Variants in RGS8 observed in about 807,000 individuals in gnomAD.
RGS8 encodes the protein regulator of G protein signaling 8.
A neutral mutation model predicts 21.7 loss-of-function variants in RGS8; 8 were observed. The observed-to-expected ratio is 0.37, with a 90% CI of 0.22 to 0.66. The LOEUF is 0.66. RGS8 is among the 30% of genes least tolerant of loss of function. RGS8 has a pLI of 0.59. For missense variants in RGS8, 157 were observed against 217.9 expected, an observed-to-expected ratio of 0.72 and a Z score of 1.76; for synonymous variants, 80 against 83.6, an observed-to-expected ratio of 0.96 and a Z score of 0.24.
the RGS8 span, chr1:182,712,768 G>C: frequency 1.3e-5 from 2 of 152,124 alleles, no homozygotes; most frequent in African/African-American, 4.8e-5. Context: ...TATTTCAAGA[G>C]TATTTTTGTC....
the RGS8 span, among the ~76,000 whole-genome samples, chr1:182,709,342 A>G: frequency 2.4e-4 from 36 of 152,260 alleles, no homozygotes; most frequent in African/African-American, 8.4e-4. Flanking sequence ...GCACACACAC[A>G]TGTATTCTCT....
At chr1:182,656,768 C>A (rs1663300212) in intron 5 of RGS8, among the ~76,000 whole-genome samples, 1 of 152,146 alleles carries the variant, frequency 6.6e-6, no homozygotes, top group East Asian at 1.9e-4. Flanking sequence ...TGGGCCCTTC[C>A]TGGGAGGGTC....
chr1:182,724,876 A>G, the RGS8 span, among the ~76,000 whole-genome samples: 1 of 152,188 alleles, frequency 6.6e-6, no homozygotes, highest in Non-Finnish European at 1.5e-5. Context: ...ACTTAATTTA[A>G]CAATTTTGAG....
rs540671287 is a variant in RGS8 at position 182,657,152 on chromosome 1, C to T, written c.193+8817G>A. ...AAGCAAACAAATCCAAACACAACTG[C>T]GTAAAATCCTAGCCTACTGCGTGGA... On this transcript the variant is annotated intron_variant, in intron 5 of 6. Coordinates refer to ENST00000483095, the Ensembl canonical transcript of RGS8. Among the ~76,000 whole-genome samples the T allele has an allele frequency of 1.7e-4, 25 of 151,262 alleles. No individual in the cohort carries two copies. The South Asian group carries it at 5.2e-3, about 32-fold the overall frequency.
At chr1:182,749,631 A>G in the RGS8 span, among the ~76,000 whole-genome samples, 4 of 152,088 alleles carry the variant, frequency 2.6e-5, no homozygotes. Flanking sequence ...TGTTAAGCAT[A>G]TCACTGGTAT....
the RGS8 span, among the ~76,000 whole-genome samples, chr1:182,742,366 A>C: frequency 6.6e-6 from 1 of 151,822 alleles, no homozygotes; most frequent in Non-Finnish European, 1.5e-5. Flanking sequence ...CAATCTCGGC[A>C]CTTTGGGAGG....
upstream of RGS8, among the ~76,000 whole-genome samples, chr1:182,673,322 C>T (rs1169113192): frequency 6.6e-6 from 1 of 152,132 alleles, no homozygotes; most frequent in African/African-American, 2.4e-5. Context: ...TATTATTATT[C>T]CCATGTTACA....
chr1:182,736,672 G>A, the RGS8 span, among the ~76,000 whole-genome samples: 8 of 152,212 alleles, frequency 5.3e-5, no homozygotes, highest in Non-Finnish European at 1.0e-4. Context: ...GGAAGGGCAT[G>A]CCCTTGAGTA....
rs529807836 is a variant in RGS8 at position 182,655,169 on chromosome 1, C to T, written c.194-6866G>A. Among the ~76,000 whole-genome samples the T allele has an allele frequency of 2.6e-5, 4 of 152,260 alleles. No individual in the cohort carries two copies. The East Asian group carries it at 7.7e-4, about 29-fold the overall frequency. ...CCACAAGGTCACAGTCTGTAAGTGG[C>T]AAGGATGCTAAACTGCAAAGCCAGC... On this transcript the variant is annotated intron_variant, in intron 5 of 6. Transcript: ENST00000483095.
the RGS8 span, among the ~76,000 whole-genome samples, chr1:182,697,184 G>A: frequency 6.6e-6 from 1 of 152,242 alleles, no homozygotes; most frequent in Non-Finnish European, 1.5e-5. Flanking sequence ...TTGCAGTCAT[G>A]TTATAAAGGC....
At chr1:182,656,767 C>T (rs1663300053) in intron 5 of RGS8, among the ~76,000 whole-genome samples, 1 of 152,176 alleles carries the variant, frequency 6.6e-6, no homozygotes, top group East Asian at 1.9e-4. Context: ...ATGGGCCCTT[C>T]CTGGGAGGGT....
upstream of RGS8, among the ~76,000 whole-genome samples, chr1:182,685,160 C>T (rs1664671662): frequency 6.6e-6 from 1 of 152,062 alleles, no homozygotes; most frequent in African/African-American, 2.4e-5. Flanking sequence ...TTGTCACCCT[C>T]TGCTGCAAAC....
At position 182,668,187 on chromosome 1, in the gene RGS8, G is replaced by T. The variant is rs1054607833; in HGVS notation, c.27-1214C>A. Among the ~76,000 whole-genome samples the T allele has an allele frequency of 2.7e-4, 41 of 152,212 alleles. 1 individual carries two copies. The highest frequency in any genetic ancestry group is 5.7e-4 in the Non-Finnish European group (39 of 68,042). ...CAAAAATATTTATTCTCTAGCCCTT[G>T]ACAGAATAAGTTTGCTGACCCCTCA... On this transcript the variant is annotated intron_variant, in intron 3 of 6. Transcript: ENST00000483095.
chr1:182,646,631 C>A, exon 7 of RGS8: 1 of 1,097,614 alleles, frequency 9.1e-7, no homozygotes, highest in South Asian at 1.6e-5. Context: ...CTCCCACCCC[C>A]AATGCCACCG....
At chr1:182,698,466 T>C in the RGS8 span, among the ~76,000 whole-genome samples, 1 of 152,232 alleles carries the variant, frequency 6.6e-6, no homozygotes, top group African/African-American at 2.4e-5. Flanking sequence ...CTTACAATAA[T>C]ATCTGCCACA....
chr1:182,743,715 A>G, the RGS8 span, among the ~76,000 whole-genome samples: 1 of 152,170 alleles, frequency 6.6e-6, no homozygotes, highest in South Asian at 2.1e-4. Flanking sequence ...TTTTATTCAC[A>G]CTTTTACTCA....
chr1:182,663,183 T>G (rs1003277718), intron 5 of RGS8, among the ~76,000 whole-genome samples: 1 of 152,178 alleles, frequency 6.6e-6, no homozygotes, highest in African/African-American at 2.4e-5. Context: ...CGAGCACACG[T>G]GCAATCCCTT....
chr1:182,710,640 G>A, the RGS8 span, among the ~76,000 whole-genome samples: 1 of 152,098 alleles, frequency 6.6e-6, no homozygotes, highest in South Asian at 2.1e-4. Flanking sequence ...GGGAATAGGT[G>A]AGCTCCAAAA....
At chr1:182,747,110 A>G in the RGS8 span, among the ~76,000 whole-genome samples, 1 of 103,646 alleles carries the variant, frequency 9.6e-6, no homozygotes. Context: ...TATATTGCCC[A>G]GGCTGGTTCA....
Sources: allele counts gnomAD v4.1 joint callset (sites outside exome capture counted in the v4.1 genomes callset), GRCh38; gene constraint gnomAD v4.1.1; transcripts MANE v1.5; gene names NCBI Gene and HGNC (gene_info 2026-07-23, HGNC 2026-07-21).